YAF2: variants seen among roughly 807,000 people sequenced by gnomAD.
The protein encoded by YAF2 is YY1-associated factor 2.
In YAF2, 7 loss-of-function variants were observed where a neutral mutation model predicts 20.1. The observed-to-expected ratio is 0.35, with a 90% CI of 0.20 to 0.65. The LOEUF (loss-of-function observed/expected upper bound fraction) is 0.65, where lower values mean the gene tolerates loss of function less well. YAF2 is among the 30% of genes least tolerant of loss of function. The pLI, the probability that YAF2 is intolerant of heterozygous loss-of-function variation, is 0.69. For synonymous variants in YAF2, 74 were observed against 76.0 expected (o/e 0.97, Z 0.14); for missense variants, 151 against 219.2 (o/e 0.69, Z 1.96).
At chr12:42,210,056 CA>C (rs1368082719) in intron 2 of YAF2, among the ~76,000 whole-genome samples, 2 of 152,228 alleles carry the variant, frequency 1.3e-5, no homozygotes, top group Middle Eastern at 6.8e-3. Context: ...CCTTGGCCTC[CA>C]AAAGTACTGG....
At position 42,203,979 on chromosome 12, in the gene YAF2, A is replaced by C. The variant is rs143724381; in HGVS notation, c.152+33620T>G. 5.2e-3 allele frequency among the ~76,000 whole-genome samples: 790 copies of C among 152,318 alleles called. 7 individuals carry two copies. The highest frequency in any genetic ancestry group is 9.1e-3 in the Non-Finnish European group (616 of 68,026). On this transcript the variant is annotated intron_variant, in intron 2 of 3. Coordinates refer to ENST00000534854, the MANE Select transcript of YAF2 (RefSeq NM_005748.6). ...CTGAGGAGGGAAATTGCTTGAGGCCAGTTTGAAGCTGCAGTACACTATGAT... is the reference window on the plus strand; with the variant it reads ...CTGAGGAGGGAAATTGCTTGAGGCCCGTTTGAAGCTGCAGTACACTATGAT...
chr12:42,210,926 A>C, intron 2 of YAF2: 1 of 255,964 alleles, frequency 3.9e-6, no homozygotes. Context: ...CAAAAATATC[A>C]GCCACCAGGC....
At chr12:42,209,762 T>C (rs187745482) in intron 2 of YAF2, among the ~76,000 whole-genome samples, 447 of 152,282 alleles carry the variant, frequency 2.9e-3, no homozygotes, top group African/African-American at 1.0e-2. Flanking sequence ...TATATTGCTT[T>C]AGAACAACTA....
chr12:42,165,061 C>CA (rs78729667), intron 2 of YAF2, among the ~76,000 whole-genome samples: 3,838 of 64,786 alleles, frequency 0.059, 68 homozygotes, highest in Non-Finnish European at 0.081. Context: ...TCTTCTGGAA[C>CA]AAAAAAAAAA....
At chr12:42,170,546 A>G (rs2066020521) in intron 2 of YAF2, among the ~76,000 whole-genome samples, 1 of 152,188 alleles carries the variant, frequency 6.6e-6, no homozygotes, top group African/African-American at 2.4e-5. Context: ...GCGGTGGCTC[A>G]CGCCTATAAT....
chr12:42,211,552 C>G (rs1376235415), intron 2 of YAF2, among the ~76,000 whole-genome samples: 1 of 150,840 alleles, frequency 6.6e-6, no homozygotes, highest in African/African-American at 2.4e-5. Flanking sequence ...GCCTGACCAA[C>G]ATGGTAAAAC....
intron 2 of YAF2, chr12:42,210,954 A>G (rs1475844378): frequency 9.2e-6 from 2 of 218,140 alleles, no homozygotes; most frequent in African/African-American, 4.6e-5. Flanking sequence ...TTTTGCTGAA[A>G]CAATATCATT....
In YAF2 at chr12:42,212,427, T is replaced by C. The variant is rs79382783; in HGVS notation, c.152+25172A>G. 6.8e-3 allele frequency: 3,035 copies of C among 446,506 alleles called. 110 individuals are homozygous for C. In the East Asian group the frequency reaches 0.099, roughly 15 times the overall value. The allele number at this position is 446,506 out of a possible 1,614,324, so 27.7% of individuals were successfully genotyped here. ...TATATTTTAATACCCTTTACCATCA[T>C]GCTTCTAAATAATCACCTCCTTCCT... On this transcript the variant is annotated intron_variant, in intron 2 of 3. Transcript: ENST00000534854.
At chr12:42,221,222 C>A (rs960576530) in intron 2 of YAF2, among the ~76,000 whole-genome samples, 1 of 152,058 alleles carries the variant, frequency 6.6e-6, no homozygotes, top group Admixed American at 6.6e-5. Flanking sequence ...AAGAAGAAAT[C>A]TTTAAGAAGT....
chr12:42,199,262 A>G (rs1172361267), intron 2 of YAF2: 1 of 1,223,800 alleles, frequency 8.2e-7, no homozygotes, highest in African/African-American at 1.5e-5. Context: ...AGAGTAAGAA[A>G]GAAACACTAT....
intron 2 of YAF2, among the ~76,000 whole-genome samples, chr12:42,208,630 T>C (rs774138829): frequency 6.6e-6 from 1 of 152,108 alleles, no homozygotes; most frequent in African/African-American, 2.4e-5. Flanking sequence ...ATAAATTCCA[T>C]GAATTAATAG....
At chr12:42,202,069 T>G (rs2066913377) in intron 2 of YAF2, among the ~76,000 whole-genome samples, 1 of 152,212 alleles carries the variant, frequency 6.6e-6, no homozygotes, top group Non-Finnish European at 1.5e-5. Flanking sequence ...AACTGGAATT[T>G]ATTTTCACGT....
intron 2 of YAF2, among the ~76,000 whole-genome samples, chr12:42,214,614 G>A (rs1418490143): frequency 1.3e-5 from 2 of 152,060 alleles, no homozygotes; most frequent in Non-Finnish European, 2.9e-5. Flanking sequence ...CACCCACTCA[G>A]AGAAGCCTCT....
intron 2 of YAF2, among the ~76,000 whole-genome samples, chr12:42,236,941 G>A (rs1273026298): frequency 1.3e-5 from 2 of 152,138 alleles, no homozygotes; most frequent in Admixed American, 1.3e-4. Flanking sequence ...AATAAATAAA[G>A]TCTGAAAATA....
rs1311301247 is a variant in YAF2 at position 42,159,678 on chromosome 12, A to G, written c.*911T>C. ...CTGTTTTAATTAGATTCATACTTCTATGGCCCTGGATAAGTTTGGGACAAG... is the reference window on the plus strand; with the variant it reads ...CTGTTTTAATTAGATTCATACTTCTGTGGCCCTGGATAAGTTTGGGACAAG... On this transcript the variant is annotated 3_prime_UTR_variant, in exon 4 of 4. Coordinates refer to ENST00000534854, the MANE Select transcript of YAF2 (RefSeq NM_005748.6). The G allele has an allele frequency of 6.6e-6, 1 of 152,324 alleles. No individual in the cohort carries two copies. Among genetic ancestry groups the G allele is most frequent in the Non-Finnish European group, 1.5e-5 (1 of 67,948 alleles). 9.4% of individuals were successfully genotyped at this position (152,324 alleles called of 1,614,324 possible).
At chr12:42,232,295 G>A (rs2068006140) in intron 2 of YAF2, 1 of 544,444 alleles carries the variant, frequency 1.8e-6, no homozygotes, top group Non-Finnish European at 2.3e-6. Context: ...CACCATCACA[G>A]TGAAAAAGGC....
intron 2 of YAF2, among the ~76,000 whole-genome samples, chr12:42,191,650 G>A (rs2066615313): frequency 6.6e-6 from 1 of 152,024 alleles, no homozygotes; most frequent in African/African-American, 2.4e-5. Flanking sequence ...CCTACTATGT[G>A]CCAAGCATCA....
chr12:42,193,250 G>A (rs12049942), intron 2 of YAF2, among the ~76,000 whole-genome samples: 52,989 of 150,820 alleles, frequency 0.35, 9,635 homozygotes, highest in South Asian at 0.47. Context: ...GGGAGGCGGA[G>A]GCTGCAGTGA....
Position 42,177,041 on chromosome 12 carries a change from T to C in YAF2, c.153-15276A>G, listed in dbSNP as rs369794442. ...TTCCACAGAGCAGCCACTGTGATCCTTCCAAATGTAAATCAAATTATATTA... is the reference window on the plus strand; with the variant it reads ...TTCCACAGAGCAGCCACTGTGATCCCTCCAAATGTAAATCAAATTATATTA... On this transcript the variant is annotated intron_variant, in intron 2 of 3. Transcript: ENST00000534854. Among the ~76,000 whole-genome samples, 4 of 152,310 alleles carry C rather than the reference T, an allele frequency of 2.6e-5. No homozygotes were observed. The East Asian group carries it at 7.7e-4, about 29-fold the overall frequency.
Sources: allele counts gnomAD v4.1 joint callset (sites outside exome capture counted in the v4.1 genomes callset), GRCh38; gene constraint gnomAD v4.1.1; transcripts MANE v1.5; gene names NCBI Gene and HGNC (gene_info 2026-07-23, HGNC 2026-07-21).